The following GRM3 variants were observed in gnomAD, a reference collection of about 807,000 sequenced individuals.
GRM3 encodes the protein metabotropic glutamate receptor 3.
GRM3 carries 26 observed loss-of-function variants against 70.5 expected under a neutral mutation model. That is an observed-to-expected ratio of 0.37 (90% CI 0.27 to 0.51). GRM3 has a LOEUF of 0.51. Among genes scored for constraint, GRM3 ranks in the 20% least tolerant of loss-of-function variants. The pLI, the probability that GRM3 is intolerant of heterozygous loss-of-function variation, is 0.93. For synonymous variants in GRM3, 443 were observed against 434.9 expected, an observed-to-expected ratio of 1.02 and a Z score of -0.23; for missense variants, 859 against 1,123.8, an observed-to-expected ratio of 0.76 and a Z score of 3.37.
intron 1 of GRM3, among the ~76,000 whole-genome samples, chr7:86,691,013 T>A (rs1476631710): frequency 6.6e-6 from 1 of 152,148 alleles, no homozygotes; most frequent in Non-Finnish European, 1.5e-5. Flanking sequence ...AAAACAGATC[T>A]TTTAAGTTTC....
At chr7:86,862,788 C>G (rs999956300) in intron 5 of GRM3, among the ~76,000 whole-genome samples, 3 of 152,160 alleles carry the variant, frequency 2.0e-5, no homozygotes, top group African/African-American at 7.2e-5. Context: ...TGCTCCCCCA[C>G]TGAATGCCAT....
intron 1 of GRM3, among the ~76,000 whole-genome samples, chr7:86,720,482 C>A (rs1404282918): frequency 6.6e-6 from 1 of 152,014 alleles, no homozygotes; most frequent in African/African-American, 2.4e-5. Flanking sequence ...GAATTTGAAA[C>A]TGAAAGTGTA....
intron 1 of GRM3, among the ~76,000 whole-genome samples, chr7:86,687,798 G>C (rs574231421): frequency 2.2e-4 from 33 of 151,874 alleles, no homozygotes; most frequent in South Asian, 2.1e-4. Context: ...TAGTACAAAA[G>C]GTCGAAAGGG....
At chr7:86,830,952 A>G (rs1469252466) in intron 3 of GRM3, among the ~76,000 whole-genome samples, 2 of 152,214 alleles carry the variant, frequency 1.3e-5, no homozygotes, top group East Asian at 3.8e-4. Flanking sequence ...GTAATGCATT[A>G]ACAAGCCAAG....
intron 1 of GRM3, among the ~76,000 whole-genome samples, chr7:86,698,038 A>G (rs935503732): frequency 6.6e-6 from 1 of 152,166 alleles, no homozygotes; most frequent in African/African-American, 2.4e-5. Context: ...ATTAAATAGA[A>G]AACAGTCTGA....
chr7:86,781,230 G>C (rs1285033383), intron 2 of GRM3, among the ~76,000 whole-genome samples: 1 of 151,950 alleles, frequency 6.6e-6, no homozygotes, highest in Non-Finnish European at 1.5e-5. Context: ...TCTTTAAAAG[G>C]CTTCCCCAAA....
chr7:86,665,004 A>G (rs1379613046), intron 1 of GRM3, among the ~76,000 whole-genome samples: 1 of 152,074 alleles, frequency 6.6e-6, no homozygotes, highest in African/African-American at 2.4e-5. Flanking sequence ...TAGCTAAGAT[A>G]AATTTTAGTC....
At chr7:86,671,898 G>A (rs1794181539) in intron 1 of GRM3, among the ~76,000 whole-genome samples, 1 of 152,034 alleles carries the variant, frequency 6.6e-6, no homozygotes. Flanking sequence ...AAGGTCCATT[G>A]GACATCCAGT....
At chr7:86,678,080 A>T (rs1353338322) in intron 1 of GRM3, among the ~76,000 whole-genome samples, 1 of 152,042 alleles carries the variant, frequency 6.6e-6, no homozygotes. Context: ...AAACTTAAGG[A>T]TAGAAATATG....
intron 1 of GRM3, among the ~76,000 whole-genome samples, chr7:86,715,617 T>C (rs1795295639): frequency 6.6e-6 from 1 of 152,044 alleles, no homozygotes; most frequent in African/African-American, 2.4e-5. Flanking sequence ...AGATGTTTAA[T>C]AATTATTCAT....
At chr7:86,733,969 G>A (rs757493332) in intron 1 of GRM3, among the ~76,000 whole-genome samples, 4 of 152,224 alleles carry the variant, frequency 2.6e-5, no homozygotes, top group Admixed American at 6.5e-5. Context: ...CTCCAAACTC[G>A]CTGAGTCATG....
Position 86,786,526 on chromosome 7 carries a change from A to C in GRM3, c.734A>C (p.Glu245Ala). Residue 245 changes from glutamate (E) to alanine (A), a missense_variant, in exon 3 of 6, where the codon GAG (glutamate) becomes GCG (alanine). Physicochemically the swap from Glu to Ala is moderately radical, Grantham distance 107. Transcript: ENST00000361669. This position sits in a 1 kb window ranked among gnomAD's most constrained non-coding sequence, Gnocchi z 6.0. The stretch of plus-strand genomic sequence containing the variant: ...CGCAACATCTGCATCGCTACGGCGG[A>C]GAAGGTGGGCCGCTCCAACATCCGC... ...RLRNICIATA[E>A]KVGRSNIRKS... 6.2e-7 allele frequency: 1 copy of C among 1,614,090 alleles called. No homozygotes were observed.
chr7:86,827,607 G>A (rs563588542), intron 3 of GRM3, among the ~76,000 whole-genome samples: 93 of 151,522 alleles, frequency 6.1e-4, no homozygotes, highest in Middle Eastern at 3.4e-3. Flanking sequence ...TCTGCCTCCC[G>A]CATTCAAGCG....
At position 86,850,365 on chromosome 7, in the gene GRM3, T is replaced by C. The variant is rs758587602; in HGVS notation, c.2392-5T>C. 15 of 1,610,364 alleles carry C rather than the reference T, an allele frequency of 9.3e-6. No homozygotes were observed. The East Asian group carries it at 3.1e-4, about 34-fold the overall frequency. On this transcript the variant is annotated splice_region_variant and splice_polypyrimidine_tract_variant and intron_variant, in intron 4 of 5. Coordinates refer to ENST00000361669, the MANE Select transcript of GRM3 (RefSeq NM_000840.3). ...AGACACTTACTAGCCAACCTTCTCTTGTAGGTGCAGACGACAACCATGTGC... is the reference window on the plus strand; with the variant it reads ...AGACACTTACTAGCCAACCTTCTCTCGTAGGTGCAGACGACAACCATGTGC...
intron 1 of GRM3, among the ~76,000 whole-genome samples, chr7:86,694,836 C>G (rs1457626892): frequency 6.6e-6 from 1 of 152,140 alleles, no homozygotes; most frequent in African/African-American, 2.4e-5. Flanking sequence ...ATGACTGGTG[C>G]TCTATGGATT....
At chr7:86,738,110 G>T (rs1230270014) in intron 1 of GRM3, among the ~76,000 whole-genome samples, 1 of 152,044 alleles carries the variant, frequency 6.6e-6, no homozygotes, top group East Asian at 1.9e-4. Context: ...AAGGGGCTGT[G>T]TATTTATTTC....
At chr7:86,658,555 C>A (rs1562815660) in intron 1 of GRM3, among the ~76,000 whole-genome samples, 1 of 152,132 alleles carries the variant, frequency 6.6e-6, no homozygotes, top group Non-Finnish European at 1.5e-5. Context: ...CTTCATCACA[C>A]TTTATTATAA....
intron 5 of GRM3, among the ~76,000 whole-genome samples, chr7:86,860,901 A>T (rs1798943736): frequency 1.3e-5 from 2 of 152,232 alleles, no homozygotes; most frequent in Admixed American, 6.5e-5. Context: ...GACAGGGAAC[A>T]TCAGAGTAGG....
chr7:86,726,049 C>A (rs1338850897), intron 1 of GRM3, among the ~76,000 whole-genome samples: 1 of 152,138 alleles, frequency 6.6e-6, no homozygotes, highest in African/African-American at 2.4e-5. Context: ...AACATTTAGA[C>A]CATAGCATCT....
Sources: allele counts gnomAD v4.1 joint callset (sites outside exome capture counted in the v4.1 genomes callset), GRCh38; gene constraint gnomAD v4.1.1; non-coding constraint Gnocchi (gnomAD v3.1); transcripts MANE v1.5; gene names NCBI Gene and HGNC (gene_info 2026-07-23, HGNC 2026-07-21).